The following PRKG1 variants were observed in gnomAD, a reference collection of about 807,000 sequenced individuals.
PRKG1 encodes cGMP-dependent protein kinase 1.
A neutral mutation model predicts 88.1 loss-of-function variants in PRKG1; 35 were observed. The observed-to-expected ratio is 0.40, with a 90% CI of 0.30 to 0.53. PRKG1 has a LOEUF of 0.53. PRKG1 is among the 20% of genes least tolerant of loss of function. PRKG1 has a pLI of 0.59. For missense variants in PRKG1, 540 were observed against 839.8 expected (o/e 0.64, Z 4.41); for synonymous variants, 303 against 292.5 (o/e 1.04, Z -0.37).
chr10:51,976,824 G>A (rs184978922), intron 5 of PRKG1, among the ~76,000 whole-genome samples: 4 of 151,982 alleles, frequency 2.6e-5, no homozygotes, highest in African/African-American at 7.2e-5. Context: ...TAGGAAAAAC[G>A]AGAATTATAT....
At chr10:51,715,800 T>C (rs1369113663) in intron 3 of PRKG1, among the ~76,000 whole-genome samples, 3 of 152,202 alleles carry the variant, frequency 2.0e-5, no homozygotes, top group Non-Finnish European at 4.4e-5. Context: ...TGAAAACTTT[T>C]CTTAGAAAAC....
At chr10:51,324,571 C>CAAAAAAAAAA (rs34429733) in intron 2 of PRKG1, among the ~76,000 whole-genome samples, 106 of 83,878 alleles carry the variant, frequency 1.3e-3, no homozygotes, top group Non-Finnish European at 1.8e-3. Context: ...ACTAAAAATA[C>CAAAAAAAAAA]AAAAAAAAAA....
intron 1 of PRKG1, among the ~76,000 whole-genome samples, chr10:51,052,291 G>GAAA (rs1263899388): frequency 2.6e-5 from 4 of 152,102 alleles, no homozygotes; most frequent in Admixed American, 1.3e-4. Flanking sequence ...TTTTGGAAAA[G>GAAA]AAAACATCTC....
intron 12 of PRKG1, among the ~76,000 whole-genome samples, chr10:52,276,671 A>G (rs1292335992): frequency 6.6e-6 from 1 of 152,192 alleles, no homozygotes; most frequent in Non-Finnish European, 1.5e-5. Context: ...GGCATAATTC[A>G]TTATTTCAAA....
chr10:51,479,822 T>C (rs1209391331), intron 3 of PRKG1, among the ~76,000 whole-genome samples: 5 of 152,076 alleles, frequency 3.3e-5, no homozygotes, highest in Non-Finnish European at 5.9e-5. Context: ...CAGTAATACA[T>C]GTGTGGTGGT....
intron 7 of PRKG1, among the ~76,000 whole-genome samples, chr10:52,065,147 T>A (rs1332048651): frequency 2.0e-5 from 3 of 152,176 alleles, no homozygotes; most frequent in Admixed American, 2.0e-4. Context: ...TTTTACAGAA[T>A]GCATGATAAA....
intron 2 of PRKG1, among the ~76,000 whole-genome samples, chr10:51,230,524 A>T (rs1838816231): frequency 6.6e-6 from 1 of 152,244 alleles, no homozygotes; most frequent in Non-Finnish European, 1.5e-5. Flanking sequence ...CACTCGTGTG[A>T]AAAATGTCTG....
intron 2 of PRKG1, among the ~76,000 whole-genome samples, chr10:51,417,276 A>T (rs1838267887): frequency 6.6e-6 from 1 of 152,192 alleles, no homozygotes; most frequent in Non-Finnish European, 1.5e-5. Context: ...GGAAATACTC[A>T]ACCACAGTAT....
chr10:51,539,497 C>T (rs1234074858), intron 3 of PRKG1, among the ~76,000 whole-genome samples: 1 of 152,134 alleles, frequency 6.6e-6, no homozygotes, highest in East Asian at 1.9e-4. Flanking sequence ...TAGTGCAAAA[C>T]ACTGATACAT....
chr10:52,062,101 A>C (rs1846249917), intron 6 of PRKG1, among the ~76,000 whole-genome samples: 1 of 152,316 alleles, frequency 6.6e-6, no homozygotes, highest in Non-Finnish European at 1.5e-5. Context: ...CATGGAATAA[A>C]TAATTAAAAC....
At chr10:51,869,288 AT>A (rs1418748544) in intron 4 of PRKG1, among the ~76,000 whole-genome samples, 1 of 152,072 alleles carries the variant, frequency 6.6e-6, no homozygotes, top group Non-Finnish European at 1.5e-5. Context: ...CATGTGTTTG[AT>A]GTGCTCCAGG....
chr10:51,699,084 G>T, intron 3 of PRKG1: 1 of 1,614,202 alleles, frequency 6.2e-7, no homozygotes, highest in Non-Finnish European at 8.5e-7. Flanking sequence ...CGAGCTTCCT[G>T]GTGGCTGTTT....
chr10:52,045,845 A>G (rs1005091387), intron 5 of PRKG1, among the ~76,000 whole-genome samples: 1 of 151,708 alleles, frequency 6.6e-6, no homozygotes, highest in Non-Finnish European at 1.5e-5. Context: ...TTTGATATCC[A>G]CATTTTCACT....
intron 3 of PRKG1, among the ~76,000 whole-genome samples, chr10:51,581,942 A>T (rs543326918): frequency 4.6e-5 from 7 of 152,272 alleles, no homozygotes; most frequent in African/African-American, 1.7e-4. Context: ...ATTAAAAAAA[A>T]AAATGGGCTG....
intron 3 of PRKG1, among the ~76,000 whole-genome samples, chr10:51,801,350 C>G (rs1451946041): frequency 6.6e-6 from 1 of 152,020 alleles, no homozygotes; most frequent in African/African-American, 2.4e-5. Context: ...ACGAAATATG[C>G]TTTTTAAATT....
chr10:51,469,868 A>T (rs547926684), intron 3 of PRKG1, among the ~76,000 whole-genome samples: 2 of 152,028 alleles, frequency 1.3e-5, no homozygotes, highest in African/African-American at 4.8e-5. Context: ...ATCTGCATTT[A>T]TAGGTACAGA....
At chr10:51,466,338 T>C (rs1839904162) in intron 2 of PRKG1, among the ~76,000 whole-genome samples, 3 of 152,126 alleles carry the variant, frequency 2.0e-5, no homozygotes, top group Non-Finnish European at 2.9e-5. Context: ...AGCAAGTCTT[T>C]TTAAACCTTT....
At chr10:51,799,080 AACT>A (rs1839094952) in intron 3 of PRKG1, among the ~76,000 whole-genome samples, 1 of 151,872 alleles carries the variant, frequency 6.6e-6, no homozygotes, top group African/African-American at 2.4e-5. Context: ...AAGAGCTGCT[AACT>A]AATCTCTGTC....
At chr10:51,005,669 G>C (rs1842933917) in intron 1 of PRKG1, among the ~76,000 whole-genome samples, 1 of 152,168 alleles carries the variant, frequency 6.6e-6, no homozygotes, top group Non-Finnish European at 1.5e-5. Context: ...GCTTTTGAAG[G>C]CCGAGTTTAA....
Sources: allele counts gnomAD v4.1 joint callset (sites outside exome capture counted in the v4.1 genomes callset), GRCh38; gene constraint gnomAD v4.1.1; transcripts MANE v1.5; gene names NCBI Gene and HGNC (gene_info 2026-07-23, HGNC 2026-07-21).